FBXL17: variants seen among roughly 807,000 people sequenced by gnomAD.
FBXL17 encodes the protein F-box/LRR-repeat protein 17.
Under a neutral mutation model 66.2 loss-of-function variants are expected in FBXL17, and 22 were observed. That is an observed-to-expected ratio of 0.33 (90% CI 0.24 to 0.47). The LOEUF is 0.47. FBXL17 is among the 20% of genes least tolerant of loss of function. FBXL17 has a pLI of 1.00. For synonymous variants in FBXL17, 474 were observed against 400.5 expected (o/e 1.18, Z -2.19); for missense variants, 878 against 948.2 (o/e 0.93, Z 0.97).
chr5:108,175,347 G>C (rs1001751421), intron 6 of FBXL17, among the ~76,000 whole-genome samples: 1 of 152,160 alleles, frequency 6.6e-6, no homozygotes, highest in African/African-American at 2.4e-5. Context: ...GCCACCAGCA[G>C]AGCCATGCGC....
chr5:107,977,975 G>A (rs1264400179), intron 7 of FBXL17, among the ~76,000 whole-genome samples: 1 of 152,104 alleles, frequency 6.6e-6, no homozygotes, highest in Non-Finnish European at 1.5e-5. Context: ...ACAGTGGAAG[G>A]CCATGATCTC....
intron 7 of FBXL17, among the ~76,000 whole-genome samples, chr5:107,979,913 G>GAAAT (rs1011325169): frequency 4.6e-5 from 7 of 152,090 alleles, no homozygotes; most frequent in African/African-American, 1.7e-4. Context: ...AGAGATTTAA[G>GAAAT]AAATAAATAA....
At chr5:108,173,375 G>A (rs572560526) in intron 6 of FBXL17, among the ~76,000 whole-genome samples, 32 of 151,844 alleles carry the variant, frequency 2.1e-4, no homozygotes, top group Non-Finnish European at 4.1e-4. Flanking sequence ...TTGTGCACAT[G>A]TACCCTAGAA....
chr5:108,310,893 T>G (rs894744967), intron 4 of FBXL17, among the ~76,000 whole-genome samples: 1 of 152,224 alleles, frequency 6.6e-6, no homozygotes, highest in Non-Finnish European at 1.5e-5. Flanking sequence ...ACAATTTTAC[T>G]TCACTACCTG....
chr5:107,912,770 T>TA (rs1218741892), intron 7 of FBXL17, among the ~76,000 whole-genome samples: 1 of 152,182 alleles, frequency 6.6e-6, no homozygotes, highest in Non-Finnish European at 1.5e-5. Flanking sequence ...TACAGGTTTT[T>TA]ACGGGACAAT....
At chr5:108,190,844 G>T (rs949512961) in intron 5 of FBXL17, among the ~76,000 whole-genome samples, 3 of 151,970 alleles carry the variant, frequency 2.0e-5, no homozygotes, top group Non-Finnish European at 2.9e-5. Context: ...GGGCGTTTTT[G>T]ATCTCCACAC....
In FBXL17 at chr5:108,381,593, C is replaced by T; in HGVS notation, c.99G>A (p.Leu33=). 1.4e-6 allele frequency: 2 copies of T among 1,461,398 alleles called. No individual in the cohort carries two copies. Among genetic ancestry groups the T allele is most frequent in the Admixed American group, 2.6e-5 (1 of 38,610 alleles). The allele number at this position is 1,461,398 out of a possible 1,614,324, so 90.5% of individuals were successfully genotyped here. The change falls in exon 1 of 9, where the codon CTG becomes CTA. Residue 33 remains leucine (L), a synonymous_variant. Transcript: ENST00000542267. The part of the protein sequence containing the change: ...WCRRRRPLLR[L]PRRTPAKVPP... ...GCACCTTGGCTGGGGTCCGGCGGGG[C>T]AGCCTGAGGAGAGGGCGCCGGCGGC...
chr5:108,303,400 C>CACACACACACACACACACA (rs1561517471), intron 4 of FBXL17, among the ~76,000 whole-genome samples: 2 of 140,750 alleles, frequency 1.4e-5, no homozygotes, highest in African/African-American at 5.3e-5. Context: ...ACACACATAC[C>CACACACACACACACACACA]CACACACAAG....
At chr5:108,379,097 G>A (rs1338128595) in intron 1 of FBXL17, among the ~76,000 whole-genome samples, 6 of 152,108 alleles carry the variant, frequency 3.9e-5, no homozygotes, top group South Asian at 2.1e-4. Context: ...AGAACAACGC[G>A]GTATAGGATA....
chr5:108,008,385 T>C (rs1017293897), intron 7 of FBXL17, among the ~76,000 whole-genome samples: 5 of 152,252 alleles, frequency 3.3e-5, no homozygotes, highest in Admixed American at 1.3e-4. Flanking sequence ...CAATTTCTTA[T>C]GTAAACCAGA....
At chr5:108,038,837 G>A (rs1260095413) in intron 6 of FBXL17, among the ~76,000 whole-genome samples, 1 of 152,034 alleles carries the variant, frequency 6.6e-6, no homozygotes, top group Non-Finnish European at 1.5e-5. Flanking sequence ...TGCTTCACAA[G>A]TATCTTAGTG....
At chr5:107,980,398 AAT>A (rs971274810) in intron 7 of FBXL17, among the ~76,000 whole-genome samples, 86 of 138,558 alleles carry the variant, frequency 6.2e-4, no homozygotes, top group Middle Eastern at 3.5e-3. Context: ...AATTTTACTT[AAT>A]ATTTTTTTTT....
intron 7 of FBXL17, among the ~76,000 whole-genome samples, chr5:107,972,235 A>G (rs1752400117): frequency 6.6e-6 from 1 of 152,232 alleles, no homozygotes; most frequent in Non-Finnish European, 1.5e-5. Context: ...TTATTTACAG[A>G]GAGGCAAACA....
chr5:108,116,908 G>C (rs1023520079), intron 6 of FBXL17, among the ~76,000 whole-genome samples: 1 of 151,812 alleles, frequency 6.6e-6, no homozygotes. Flanking sequence ...TCTACAATCA[G>C]AAAAGGGGAG....
At chr5:108,165,753 A>G (rs902823528) in intron 6 of FBXL17, among the ~76,000 whole-genome samples, 1 of 152,152 alleles carries the variant, frequency 6.6e-6, no homozygotes, top group Non-Finnish European at 1.5e-5. Context: ...TCTGTGGTTA[A>G]AATTTTCAAA....
At chr5:107,982,337 A>G (rs1752860677) in intron 7 of FBXL17, among the ~76,000 whole-genome samples, 1 of 152,198 alleles carries the variant, frequency 6.6e-6, no homozygotes, top group South Asian at 2.1e-4. Flanking sequence ...AAAGGCTTTT[A>G]TATTAGGATG....
intron 7 of FBXL17, among the ~76,000 whole-genome samples, chr5:107,982,457 A>G (rs1485942612): frequency 6.6e-6 from 1 of 151,106 alleles, no homozygotes. Flanking sequence ...TTAAAAAAAA[A>G]ACAAAAAAAA....
At chr5:108,017,338 G>A (rs1324151256) in intron 7 of FBXL17, among the ~76,000 whole-genome samples, 1 of 152,166 alleles carries the variant, frequency 6.6e-6, no homozygotes, top group African/African-American at 2.4e-5. Flanking sequence ...TGGAGATCAA[G>A]TAGGCAGGTA....
rs570852688 is a variant in FBXL17, at chr5:107,953,320, G to A, written c.1822+67605C>T. Among the ~76,000 whole-genome samples the A allele has an allele frequency of 4.4e-4, 66 of 149,182 alleles. 1 individual carries two copies. The highest frequency in any genetic ancestry group is 8.1e-4 in the Non-Finnish European group (55 of 67,564). On this transcript the variant is annotated intron_variant, in intron 7 of 8. Transcript: ENST00000542267. The stretch of plus-strand genomic sequence containing the variant: ...CGGGAGGCTGAGGCAGGAGAATGGC[G>A]TGAACCCAGGAAGTGGAGCTTGCAG...
Sources: allele counts gnomAD v4.1 joint callset (sites outside exome capture counted in the v4.1 genomes callset), GRCh38; gene constraint gnomAD v4.1.1; transcripts MANE v1.5; gene names NCBI Gene and HGNC (gene_info 2026-07-23, HGNC 2026-07-21).